Variants in ACVR2A observed in about 807,000 individuals in gnomAD.
The protein encoded by ACVR2A is activin A receptor type 2A, also known as activin receptor type-2A.
Under a neutral mutation model 61.4 loss-of-function variants are expected in ACVR2A, and 7 were observed. The observed-to-expected ratio is 0.11, with a 90% confidence interval of 0.06 to 0.21. ACVR2A has a LOEUF of 0.21. ACVR2A is among the 10% of genes least tolerant of loss of function. The pLI, the probability that ACVR2A is intolerant of heterozygous loss-of-function variation, is 1.00. For missense variants in ACVR2A, 322 were observed against 621.7 expected (o/e 0.52, Z 5.13); for synonymous variants, 193 against 208.3 (o/e 0.93, Z 0.63).
intron 1 of ACVR2A, among the ~76,000 whole-genome samples, chr2:147,848,258 A>G (rs1237039298): frequency 1.3e-5 from 2 of 152,226 alleles, no homozygotes; most frequent in Non-Finnish European, 2.9e-5. Context: ...CATGGAGACT[A>G]GAAACAAAAT....
Position 147,881,242 on chromosome 2 carries a change from T to C in ACVR2A, c.56-15059T>C, listed in dbSNP as rs1254621922. Among the ~76,000 whole-genome samples, 4 of 152,208 alleles carry C rather than the reference T, an allele frequency of 2.6e-5. No individual in the cohort carries two copies. In the South Asian group the frequency reaches 6.2e-4, roughly 24 times the overall value. On this transcript the variant is annotated intron_variant, in intron 1 of 10. Transcript: ENST00000241416. ...TTCCTGGTTCCTGTTGTTCTATATATACTTTTTGTATTTAGGGAAGTGAAG... is the reference window on the plus strand; with the variant it reads ...TTCCTGGTTCCTGTTGTTCTATATACACTTTTTGTATTTAGGGAAGTGAAG...
intron 1 of ACVR2A, among the ~76,000 whole-genome samples, chr2:147,876,313 A>G (rs1041116977): frequency 2.0e-5 from 3 of 152,130 alleles, no homozygotes; most frequent in Non-Finnish European, 4.4e-5. Flanking sequence ...TATAAATACA[A>G]AATGAATAAA....
chr2:147,907,277 T>TG (rs1372412336), intron 4 of ACVR2A, among the ~76,000 whole-genome samples: 1 of 152,208 alleles, frequency 6.6e-6, no homozygotes, highest in Non-Finnish European at 1.5e-5. Flanking sequence ...TCTTTGCTGT[T>TG]GTGAATAGTG....
At chr2:147,889,306 T>C (rs754655491) in intron 1 of ACVR2A, among the ~76,000 whole-genome samples, 2 of 152,320 alleles carry the variant, frequency 1.3e-5, no homozygotes, top group Non-Finnish European at 2.9e-5. Flanking sequence ...GAGATGATAC[T>C]GGTCTCATAA....
At chr2:147,904,312 T>C (rs1447319451) in intron 4 of ACVR2A, among the ~76,000 whole-genome samples, 2 of 151,878 alleles carry the variant, frequency 1.3e-5, no homozygotes, top group Non-Finnish European at 2.9e-5. Context: ...GTGGTTAGAG[T>C]TAATGCAGTT....
At chr2:147,883,378 A>G (rs1306286087) in intron 1 of ACVR2A, among the ~76,000 whole-genome samples, 1 of 152,262 alleles carries the variant, frequency 6.6e-6, no homozygotes, top group South Asian at 2.1e-4. Flanking sequence ...TTTGGTAGAG[A>G]CAGCGTTTTG....
At chr2:147,869,593 T>A (rs759075874) in intron 1 of ACVR2A, among the ~76,000 whole-genome samples, 2 of 152,202 alleles carry the variant, frequency 1.3e-5, no homozygotes, top group African/African-American at 4.8e-5. Context: ...AACAGAAAGC[T>A]GTGGCCTATG....
rs867512826 is a variant in ACVR2A, at chr2:147,856,381, G to T, written c.55+11174G>T. Among the ~76,000 whole-genome samples the T allele has an allele frequency of 3.9e-4, 60 of 152,224 alleles. No individual in the cohort carries two copies. The Middle Eastern group carries it at 0.017, about 43-fold the overall frequency. On this transcript the variant is annotated intron_variant, in intron 1 of 10. Transcript: ENST00000241416. ...GTTTCACTTGGATTTTTTCATTTTG[G>T]AAGCAGATAAAGCTAACCATCTTTG...
intron 1 of ACVR2A, among the ~76,000 whole-genome samples, chr2:147,868,217 A>G (rs1685918073): frequency 6.6e-6 from 1 of 152,206 alleles, no homozygotes; most frequent in Non-Finnish European, 1.5e-5. Flanking sequence ...GAAGAATGAT[A>G]GGATGTCACC....
intron 1 of ACVR2A, among the ~76,000 whole-genome samples, chr2:147,868,680 GGAGTGCAGT>G (rs1377273659): frequency 6.6e-6 from 1 of 151,876 alleles, no homozygotes; most frequent in Non-Finnish European, 1.5e-5. Context: ...AGCCCAGGCT[GGAGTGCAGT>G]GACGGGAACA....
chr2:147,846,683 A>G (rs1175675905), intron 1 of ACVR2A, among the ~76,000 whole-genome samples: 1 of 152,160 alleles, frequency 6.6e-6, no homozygotes. Context: ...GAAGCTAAAC[A>G]ATGGTGTGTC....
At position 147,929,226 on chromosome 2, in the gene ACVR2A, G is replaced by GTACT. The variant is rs1225721836; in HGVS notation, c.*1954_*1957dup. ...TGAGTTCACCTCTTTATTTCACAAA[G>GTACT]TACTTGGTCTCTCAATTTCTTGATC... On this transcript the variant is annotated 3_prime_UTR_variant, in exon 11 of 11. Transcript: ENST00000241416. 1 of 151,900 alleles carries GTACT rather than the reference G, an allele frequency of 6.6e-6. No homozygotes were observed. Among genetic ancestry groups the GTACT allele is most frequent in the Non-Finnish European group, 1.5e-5 (1 of 67,930 alleles). The allele number at this position is 151,900 out of a possible 1,614,324, so 9.4% of individuals were successfully genotyped here.
chr2:147,865,701 T>C (rs1264122550), intron 1 of ACVR2A, among the ~76,000 whole-genome samples: 2 of 152,242 alleles, frequency 1.3e-5, no homozygotes, highest in South Asian at 2.1e-4. Flanking sequence ...TCCAAACTTA[T>C]TTATTAGTCA....
At position 147,927,120 on chromosome 2, in the gene ACVR2A, A is replaced by T; in HGVS notation, c.1388A>T (p.Asp463Val). 1 of 1,612,096 alleles carries T rather than the reference A, an allele frequency of 6.2e-7. No individual in the cohort carries two copies. Among genetic ancestry groups the T allele is most frequent in the Non-Finnish European group, 8.5e-7 (1 of 1,178,720 alleles). The change falls in exon 11 of 11, where the codon GAT becomes GTT. Residue 463 changes from aspartate (D) to valine (V), a missense_variant. By Grantham distance (152) the Asp-to-Val change is radical. Around this residue, in one of 3 missense-constraint regions of ACVR2A, gnomAD observed 146 missense variants for 383.8 expected, o/e 0.38. Coordinates refer to ENST00000241416, the MANE Select transcript of ACVR2A (RefSeq NM_001616.5). Reference protein sequence around the residue: ...MLCETIEECWDHDAEARLSAG... With the variant: ...MLCETIEECWVHDAEARLSAG... The stretch of plus-strand genomic sequence containing the variant: ...TGTGAAACCATTGAAGAATGTTGGG[A>T]TCACGACGCAGAAGCCAGGTTATCA...
Position 147,917,388 on chromosome 2 carries a change from G to C in ACVR2A, c.778G>C (p.Asp260His), listed in dbSNP as rs767727387. The C allele has an allele frequency of 6.2e-7, 1 of 1,612,354 alleles. No individual in the cohort carries two copies. The highest frequency in any genetic ancestry group is 8.5e-7 in the Non-Finnish European group (1 of 1,178,882). ...TGCAGAAAAACGAGGCACCAGTGTT[G>C]ATGTGGATCTTTGGCTGATCACAGC... is the stretch of plus-strand genomic sequence containing the variant. Reference protein sequence around the residue: ...IGAEKRGTSVDVDLWLITAFH... With the variant: ...IGAEKRGTSVHVDLWLITAFH... The change falls in exon 6 of 11, where the codon GAT (aspartate) becomes CAT (histidine). Residue 260 changes from aspartate to histidine, a missense_variant. Asp to His is a moderately conservative substitution (Grantham distance 81, BLOSUM62 -1). This residue lies in a region of ACVR2A where 146 missense variants were observed against 383.8 expected (regional missense o/e 0.38). Coordinates refer to ENST00000241416, the MANE Select transcript of ACVR2A (RefSeq NM_001616.5).
intron 1 of ACVR2A, among the ~76,000 whole-genome samples, chr2:147,859,740 G>A (rs1685678737): frequency 6.6e-6 from 1 of 151,996 alleles, no homozygotes; most frequent in Non-Finnish European, 1.5e-5. Flanking sequence ...AAGTGTAAAG[G>A]CAGTCTCTTG....
chr2:147,898,355 A>G (rs902659408), intron 2 of ACVR2A: 1 of 152,188 alleles, frequency 6.6e-6, no homozygotes. Flanking sequence ...TATTGAATTA[A>G]TTAGGCTAAG....
chr2:147,886,197 A>G lies in ACVR2A; in HGVS notation c.56-10104A>G, dbSNP rs149558930. 7.4e-4 allele frequency among the ~76,000 whole-genome samples: 113 copies of G among 152,344 alleles called. 5 individuals are homozygous for G. In the South Asian group the frequency reaches 0.019, roughly 25 times the overall value. ...TGTTTTGGATTAAAACCATCATTCA[A>G]TTTAATCCATCTTCTATAGCTGATT... On this transcript the variant is annotated intron_variant, in intron 1 of 10. Transcript: ENST00000241416.
intron 9 of ACVR2A, among the ~76,000 whole-genome samples, chr2:147,925,033 T>C (rs1208276652): frequency 6.6e-6 from 1 of 151,950 alleles, no homozygotes; most frequent in East Asian, 1.9e-4. Context: ...CCCAGGAGTA[T>C]TTAGTGCATT....
Sources: allele counts gnomAD v4.1 joint callset (sites outside exome capture counted in the v4.1 genomes callset), GRCh38; gene constraint gnomAD v4.1.1; regional missense constraint gnomAD v4.1.1; transcripts MANE v1.5; gene names NCBI Gene and HGNC (gene_info 2026-07-23, HGNC 2026-07-21).